The following ADGRL2 variants were observed in gnomAD, a reference collection of about 807,000 sequenced individuals.
ADGRL2 encodes calcium-independent alpha-latrotoxin receptor 2.
A neutral mutation model predicts 157.4 loss-of-function variants in ADGRL2; 44 were observed. That is an observed-to-expected ratio of 0.28 (90% confidence interval 0.22 to 0.36). The LOEUF is 0.36. Ranked by LOEUF, ADGRL2 falls within the 10% of genes least tolerant of loss-of-function variation. The pLI, the probability that ADGRL2 is intolerant of heterozygous loss-of-function variation, is 1.00. For missense variants in ADGRL2, 1,510 were observed against 1,768.9 expected, an observed-to-expected ratio of 0.85 and a Z score of 2.63; for synonymous variants, 585 against 624.7, an observed-to-expected ratio of 0.94 and a Z score of 0.95.
chr1:81,902,705 C>T (rs1423977520), intron 2 of ADGRL2, among the ~76,000 whole-genome samples: 1 of 152,140 alleles, frequency 6.6e-6, no homozygotes, highest in Non-Finnish European at 1.5e-5. Context: ...AAGGAAAGTA[C>T]AATGAGGCAT....
At chr1:81,462,507 C>G (rs1236254094) in intron 2 of ADGRL2, among the ~76,000 whole-genome samples, 1 of 152,046 alleles carries the variant, frequency 6.6e-6, no homozygotes, top group African/African-American at 2.4e-5. Flanking sequence ...GGGAGGGAGA[C>G]AAGCAGACTT....
chr1:81,846,987 G>GTT (rs148126563), intron 2 of ADGRL2, among the ~76,000 whole-genome samples: 20,842 of 143,738 alleles, frequency 0.14, 1,608 homozygotes, highest in South Asian at 0.21. Flanking sequence ...GTGTTTTGTT[G>GTT]TTTTTTTTTT....
chr1:81,854,161 A>G (rs2093120144), intron 2 of ADGRL2, among the ~76,000 whole-genome samples: 1 of 152,192 alleles, frequency 6.6e-6, no homozygotes, highest in African/African-American at 2.4e-5. Flanking sequence ...GCTCAAAATG[A>G]AGATTTTATG....
At chr1:81,479,512 C>T (rs2078342021) in intron 2 of ADGRL2, among the ~76,000 whole-genome samples, 4 of 151,904 alleles carry the variant, frequency 2.6e-5, no homozygotes, top group Admixed American at 6.6e-5. Flanking sequence ...TCTTCTTAAA[C>T]GCCTTTAGAT....
chr1:81,578,196 A>T (rs1176025762), intron 2 of ADGRL2, among the ~76,000 whole-genome samples: 1 of 152,192 alleles, frequency 6.6e-6, no homozygotes, highest in East Asian at 1.9e-4. Flanking sequence ...TCCCACTCTT[A>T]TCTCACAGGT....
In ADGRL2 at chr1:81,437,111, CT is replaced by C. The variant is rs201280679; in HGVS notation, c.-301-7921del. Among the ~76,000 whole-genome samples, 1,356 of 152,292 alleles carry C rather than the reference CT, an allele frequency of 8.9e-3. 8 individuals are homozygous for C. Among genetic ancestry groups the C allele is most frequent in the Middle Eastern group, 0.02 (6 of 294 alleles). ...CAATTTATCCAACCAAGGCAAAAGT[CT>C]TTTAGGGGAATTTCACTATCCAGTC... On this transcript the variant is annotated intron_variant, in intron 1 of 24. Coordinates refer to the ADGRL2 transcript ENST00000370721.
At chr1:81,675,679 T>G (rs545041496) in intron 3 of ADGRL2, among the ~76,000 whole-genome samples, 2 of 151,788 alleles carry the variant, frequency 1.3e-5, no homozygotes, top group South Asian at 4.2e-4. Flanking sequence ...CCTCCCCAGC[T>G]CAAGGGATTC....
intron 2 of ADGRL2, among the ~76,000 whole-genome samples, chr1:81,562,521 TTTTA>T (rs1412039026): frequency 6.6e-6 from 1 of 152,182 alleles, no homozygotes; most frequent in Non-Finnish European, 1.5e-5. Flanking sequence ...TGTAAGTAAA[TTTTA>T]TTTGTTTCTA....
At chr1:81,640,412 A>G (rs1233085567) in intron 3 of ADGRL2, among the ~76,000 whole-genome samples, 2 of 152,002 alleles carry the variant, frequency 1.3e-5, no homozygotes, top group African/African-American at 4.8e-5. Context: ...AGGAAGGTGG[A>G]TCATGAGGTC....
chr1:81,802,256 G>A (rs929512340), intron 1 of ADGRL2, among the ~76,000 whole-genome samples: 1 of 152,100 alleles, frequency 6.6e-6, no homozygotes. Context: ...CGAACAATGT[G>A]CCTCTGTGCC....
At chr1:81,718,150 G>A (rs1446816921) in intron 1 of ADGRL2, among the ~76,000 whole-genome samples, 1 of 152,118 alleles carries the variant, frequency 6.6e-6, no homozygotes, top group Non-Finnish European at 1.5e-5. Flanking sequence ...CTCCTGAGTA[G>A]CTGGGACCAC....
intron 6 of ADGRL2, among the ~76,000 whole-genome samples, chr1:81,946,157 T>C (rs1649746525): frequency 6.6e-6 from 1 of 152,178 alleles, no homozygotes; most frequent in African/African-American, 2.4e-5. Flanking sequence ...CTGGATTTGC[T>C]ATCACATATA....
chr1:81,496,000 C>G (rs1169595157), intron 2 of ADGRL2, among the ~76,000 whole-genome samples: 1 of 152,068 alleles, frequency 6.6e-6, no homozygotes, highest in East Asian at 1.9e-4. Context: ...ACCAAATATG[C>G]AAACACCTTT....
At chr1:81,805,699 C>T (rs1392412909) in intron 1 of ADGRL2, among the ~76,000 whole-genome samples, 10 of 148,056 alleles carry the variant, frequency 6.8e-5, no homozygotes, top group Non-Finnish European at 8.9e-5. Flanking sequence ...TTATCTGATC[C>T]CTTCACTTGT....
At chr1:81,726,347 G>T (rs2149154495) in intron 1 of ADGRL2, among the ~76,000 whole-genome samples, 1 of 152,162 alleles carries the variant, frequency 6.6e-6, no homozygotes, top group South Asian at 2.1e-4. Flanking sequence ...CCCTTAGTGT[G>T]GTCAAAGAAA....
intron 2 of ADGRL2, among the ~76,000 whole-genome samples, chr1:81,458,354 A>G (rs545109683): frequency 6.6e-6 from 1 of 152,206 alleles, no homozygotes; most frequent in African/African-American, 2.4e-5. Flanking sequence ...TGCATCACTG[A>G]AACTCTATAT....
At chr1:81,476,600 T>C (rs1299233688) in intron 2 of ADGRL2, among the ~76,000 whole-genome samples, 1 of 152,196 alleles carries the variant, frequency 6.6e-6, no homozygotes, top group Non-Finnish European at 1.5e-5. Context: ...TCCATTTTCC[T>C]TCTCCCATTT....
chr1:81,544,182 A>G (rs2079958553), intron 2 of ADGRL2, among the ~76,000 whole-genome samples: 7 of 152,148 alleles, frequency 4.6e-5, no homozygotes, highest in Admixed American at 4.6e-4. Context: ...TATTATGTTT[A>G]TTTCTGACTC....
chr1:81,641,627 A>G (rs958210476), intron 3 of ADGRL2, among the ~76,000 whole-genome samples: 1 of 152,188 alleles, frequency 6.6e-6, no homozygotes, highest in Non-Finnish European at 1.5e-5. Context: ...AATACTTGAA[A>G]CTAAATGAAA....
Sources: allele counts gnomAD v4.1 joint callset (sites outside exome capture counted in the v4.1 genomes callset), GRCh38; gene constraint gnomAD v4.1.1; transcripts MANE v1.5; gene names NCBI Gene and HGNC (gene_info 2026-07-23, HGNC 2026-07-21).